The following SLC25A16 variants were observed in gnomAD, a reference collection of about 807,000 sequenced individuals.
SLC25A16 encodes solute carrier family 25 member 16, also known as mitochondrial coenzyme A transporter SLC25A16.
A neutral mutation model predicts 41.5 loss-of-function variants in SLC25A16; 39 were observed. The ratio of observed to expected loss-of-function variants is 0.94; its 90% CI spans 0.73 to 1.23. The LOEUF is 1.23. Among genes scored for constraint, SLC25A16 ranks in the 50% most tolerant of loss-of-function variants. The pLI is 0.00. For missense variants in SLC25A16, 421 were observed against 426.9 expected (o/e 0.99, Z 0.12); for synonymous variants, 146 against 147.8 (o/e 0.99, Z 0.09).
chr10:68,487,241 A>C, intron 7 of SLC25A16, 29 bp from the exon 8 acceptor site: 1 of 1,604,006 alleles, frequency 6.2e-7, no homozygotes, highest in Non-Finnish European at 8.5e-7. Context: ...ATAAAGAATT[A>C]AAAATTTTTG....
chr10:68,496,736 ACATTAGAAAT>A (rs2052755191), intron 4 of SLC25A16: 3 of 907,360 alleles, frequency 3.3e-6, no homozygotes, highest in Admixed American at 1.2e-4. Flanking sequence ...ACCAGCAATT[ACATTAGAAAT>A]CATATTTAGA....
chr10:68,493,542 AGG>A lies in SLC25A16; in HGVS notation c.448_449del (p.Pro150SerfsTer2). ...CTAGGCGGACCCTAACCATGTCAAG[AGG>A]GTAAGTACAGATAACTGCTGTCATA... ...AGMTAVICTY[P>X]LDMVRVRLAF... On this transcript the variant is annotated frameshift_variant, in exon 5 of 9. Transcript: ENST00000609923. LOFTEE classifies it high-confidence loss of function. 6.2e-7 allele frequency: 1 copy of A among 1,613,222 alleles called. No homozygotes were observed. Among genetic ancestry groups the A allele is most frequent in the Non-Finnish European group, 8.5e-7 (1 of 1,179,300 alleles).
intron 2 of SLC25A16, among the ~76,000 whole-genome samples, chr10:68,510,864 A>G (rs1394904215): frequency 6.6e-6 from 1 of 152,162 alleles, no homozygotes; most frequent in East Asian, 1.9e-4. Flanking sequence ...AAATTTTTCG[A>G]AAAGAGCAAA....
At chr10:68,526,829 A>G (rs2053345454) in intron 1 of SLC25A16, among the ~76,000 whole-genome samples, 1 of 152,214 alleles carries the variant, frequency 6.6e-6, no homozygotes, top group Non-Finnish European at 1.5e-5. Context: ...GTCATTAAAA[A>G]GCTGATCTCC....
intron 6 of SLC25A16, among the ~76,000 whole-genome samples, chr10:68,489,290 C>CA (rs989103358): frequency 5.3e-5 from 8 of 151,588 alleles, no homozygotes; most frequent in African/African-American, 1.5e-4. Flanking sequence ...CAAAACAAAA[C>CA]AAAAAAACAG....
chr10:68,507,098 G>C (rs1042745142), intron 2 of SLC25A16, among the ~76,000 whole-genome samples: 6 of 113,374 alleles, frequency 5.3e-5, no homozygotes, highest in African/African-American at 2.1e-4. Flanking sequence ...TTTTGAGACA[G>C]TTTTACTCAT....
intron 3 of SLC25A16, 74 bp downstream of exon 3, chr10:68,506,511 G>T: frequency 1.0e-6 from 1 of 965,246 alleles, no homozygotes; most frequent in Non-Finnish European, 1.4e-6. Context: ...ATTTTTAAAT[G>T]TCCAAAGCAA....
At chr10:68,515,842 G>A (rs2053153437) in intron 2 of SLC25A16, among the ~76,000 whole-genome samples, 1 of 152,196 alleles carries the variant, frequency 6.6e-6, no homozygotes, top group Admixed American at 6.6e-5. Context: ...AAATCAGACT[G>A]AGTTGTTACG....
chr10:68,494,444 G>A (rs2133517060), intron 4 of SLC25A16, among the ~76,000 whole-genome samples: 1 of 127,498 alleles, frequency 7.8e-6, no homozygotes, highest in East Asian at 2.8e-4. Flanking sequence ...CCTGGCAACA[G>A]AGTGAGATTC....
At chr10:68,515,118 A>G (rs1378231420) in intron 2 of SLC25A16, among the ~76,000 whole-genome samples, 3 of 149,700 alleles carry the variant, frequency 2.0e-5, no homozygotes. Flanking sequence ...GCACTTTGGG[A>G]GGCCGAGGCA....
chr10:68,514,544 C>T (rs927325733), intron 2 of SLC25A16, among the ~76,000 whole-genome samples: 1 of 152,150 alleles, frequency 6.6e-6, no homozygotes, highest in Non-Finnish European at 1.5e-5. Context: ...GTATCATTGA[C>T]CACATTTCTG....
chr10:68,506,131 G>A (rs1483231493), intron 3 of SLC25A16, among the ~76,000 whole-genome samples: 3 of 152,178 alleles, frequency 2.0e-5, no homozygotes, highest in African/African-American at 7.2e-5. Flanking sequence ...AAAATCTTAA[G>A]CTGTCACAAG....
chr10:68,516,445 C>G (rs1176933886), intron 2 of SLC25A16, among the ~76,000 whole-genome samples: 2 of 152,124 alleles, frequency 1.3e-5, no homozygotes, highest in African/African-American at 2.4e-5. Context: ...AAGCTATGAC[C>G]TAATGCTTGC....
At chr10:68,483,646 G>A in intron 8 of SLC25A16, 58 bp from the exon 9 acceptor site, 3 of 1,424,722 alleles carry the variant, frequency 2.1e-6, no homozygotes, top group Non-Finnish European at 1.9e-6. Context: ...AACAATTTCA[G>A]GATCCATAAT....
rs184527456 is a variant in SLC25A16, at chr10:68,490,500, G to A, written c.611-1871C>T. ...TGGGATTACAGGCGTGCGCCACCAC[G>A]CCTGGCTAATTTTTGTATTTTTAGT... On this transcript the variant is annotated intron_variant, in intron 6 of 8. Coordinates refer to ENST00000609923, the MANE Select transcript of SLC25A16 (RefSeq NM_152707.4). Among the ~76,000 whole-genome samples, 263 of 151,960 alleles carry A rather than the reference G, an allele frequency of 1.7e-3. 2 individuals are homozygous for A. Among genetic ancestry groups the A allele is most frequent in the Middle Eastern group, 3.4e-3 (1 of 292 alleles).
chr10:68,503,511 C>A (rs1012472326), intron 4 of SLC25A16, 121 bp downstream of exon 4: 9 of 534,272 alleles, frequency 1.7e-5, no homozygotes, highest in Admixed American at 1.4e-4. Context: ...GGAAAAAATA[C>A]AAGTCACAGG....
At chr10:68,512,078 G>A (rs749569964) in intron 2 of SLC25A16, among the ~76,000 whole-genome samples, 88 of 152,012 alleles carry the variant, frequency 5.8e-4, no homozygotes, top group Non-Finnish European at 9.0e-4. Flanking sequence ...GCTTACACAC[G>A]TTTAATTTTG....
chr10:68,520,131 T>C (rs1288648771), intron 1 of SLC25A16, among the ~76,000 whole-genome samples: 1 of 151,386 alleles, frequency 6.6e-6, no homozygotes, highest in Non-Finnish European at 1.5e-5. Context: ...TTTCTTTTTT[T>C]AGTCTTTAGT....
rs2053355220 is a variant in SLC25A16 at position 68,527,355 on chromosome 10, C to T, written c.21G>A (p.Ala7=). 2.7e-6 allele frequency: 4 copies of T among 1,506,818 alleles called. No homozygotes were observed. The highest frequency in any genetic ancestry group is 2.0e-4 in the Middle Eastern group (1 of 5,120). The allele number at this position is 1,506,818 out of a possible 1,614,324, so 93.3% of individuals were successfully genotyped here. The change falls in exon 1 of 9, where the codon GCG becomes GCA. Residue 7 remains alanine (A), a synonymous_variant. Coordinates refer to ENST00000609923, the MANE Select transcript of SLC25A16 (RefSeq NM_152707.4). ...GGGGATCGGCCGCCGCCAGGGCTGC[C>T]GCGGCCGTCGCCGCCGCCATCAGGA... MAAATA[A]AALAAADPPP...
Sources: allele counts gnomAD v4.1 joint callset (sites outside exome capture counted in the v4.1 genomes callset), GRCh38; gene constraint gnomAD v4.1.1; transcripts MANE v1.5; gene names NCBI Gene and HGNC (gene_info 2026-07-23, HGNC 2026-07-21).